NELFB: variants seen among roughly 807,000 people sequenced by gnomAD.
The protein encoded by NELFB is negative elongation factor complex member B.
NELFB carries 34 observed loss-of-function variants against 60.2 expected under a neutral mutation model. That is an observed-to-expected ratio of 0.56 (90% CI 0.43 to 0.75). NELFB has a LOEUF of 0.75. NELFB is among the 30% of genes least tolerant of loss of function. The pLI is 0.00. For missense variants in NELFB, 770 were observed against 831.6 expected (o/e 0.93, Z 0.91); for synonymous variants, 459 against 382.1 (o/e 1.20, Z -2.35).
At chr9:137,256,110 C>T (rs757816908) in intron 2 of NELFB, 40 bp downstream of exon 2, 15 of 1,591,024 alleles carry the variant, frequency 9.4e-6, no homozygotes, top group Non-Finnish European at 1.3e-5. Context: ...GATGTGCAGC[C>T]GGCCTCTCAG....
chr9:137,267,682 C>T (rs912785654), intron 10 of NELFB, among the ~76,000 whole-genome samples: 2 of 151,858 alleles, frequency 1.3e-5, no homozygotes, highest in African/African-American at 4.8e-5. Context: ...TTAGTAGAGA[C>T]GGGGTTTCTC....
At position 137,264,552 on chromosome 9, in the gene NELFB, G is replaced by T. The variant is rs577561262; in HGVS notation, c.1040+195G>T. On this transcript the variant is annotated intron_variant, in intron 6 of 12. Transcript: ENST00000343053. Reference sequence around the variant, plus strand: ...GCAATCTCTGCTCACTGCAACCTCCGCCTCCTAGGCTTAAGCCATTCTCCT... The same window carrying T: ...GCAATCTCTGCTCACTGCAACCTCCTCCTCCTAGGCTTAAGCCATTCTCCT... Among the ~76,000 whole-genome samples, 367 of 152,312 alleles carry T rather than the reference G, an allele frequency of 2.4e-3. 1 individual carries two copies. Among genetic ancestry groups the T allele is most frequent in the Non-Finnish European group, 3.1e-3 (214 of 68,024 alleles).
chr9:137,271,923 C>T (rs1398231966), intron 10 of NELFB, among the ~76,000 whole-genome samples, 158 bp from the exon 11 acceptor site: 1 of 151,912 alleles, frequency 6.6e-6, no homozygotes, highest in Non-Finnish European at 1.5e-5. Flanking sequence ...TCCCACCCCC[C>T]TCTTCACCTG....
rs1444067625 is a variant in NELFB at position 137,260,348 on chromosome 9, CTATTT to C, written c.742-2679_742-2675del. Among the ~76,000 whole-genome samples, 503 of 150,564 alleles carry C rather than the reference CTATTT, an allele frequency of 3.3e-3. 1 individual carries two copies. The highest frequency in any genetic ancestry group is 0.012 in the African/African-American group (475 of 41,246). On this transcript the variant is annotated intron_variant, in intron 4 of 12. Transcript: ENST00000343053. ...TACGGGCGTGAGCCACTGAGACCGG[CTATTT>C]TATTTTATTATTTTTTTTAATTTTT...
chr9:137,257,073 T>C lies in NELFB; in HGVS notation c.741+19T>C, dbSNP rs773457146. The C allele has an allele frequency of 3.7e-6, 6 of 1,602,356 alleles. No individual in the cohort carries two copies. The highest frequency in any genetic ancestry group is 5.1e-6 in the Non-Finnish European group (6 of 1,173,132). On this transcript the variant is annotated intron_variant, in intron 4 of 12. Coordinates refer to ENST00000343053, the MANE Select transcript of NELFB (RefSeq NM_015456.5). ...GGGCGAGGTGAGGGGACAGGCCGTG[T>C]GCGGGGTGGGGCACCTCTTGGGGAT...
At chr9:137,259,510 G>A (rs1347395737) in intron 4 of NELFB, among the ~76,000 whole-genome samples, 1 of 152,098 alleles carries the variant, frequency 6.6e-6, no homozygotes, top group East Asian at 1.9e-4. Flanking sequence ...TAACTGTGGG[G>A]TGCCCTGCAT....
At position 137,272,820 on chromosome 9, in the gene NELFB, C is replaced by G; in HGVS notation, c.1779C>G (p.Gly593=). ...TGAAGGAGCTTTACTCCCAGCTCGG[C>G]GAGAAGCTGGAACAGCTGGATCACC... Residue 593 remains glycine, a synonymous_variant, in exon 13 of 13, where the codon GGC becomes GGG. Coordinates refer to ENST00000343053, the MANE Select transcript of NELFB (RefSeq NM_015456.5). 6.5e-7 allele frequency: 1 copy of G among 1,549,992 alleles called. No homozygotes were observed. Among genetic ancestry groups the G allele is most frequent in the Non-Finnish European group, 8.7e-7 (1 of 1,146,650 alleles).
Position 137,256,746 on chromosome 9 carries a change from GC to G in NELFB, c.511-77del, listed in dbSNP as rs552323886. On this transcript the variant is annotated intron_variant, in intron 3 of 12. Coordinates refer to ENST00000343053, the MANE Select transcript of NELFB (RefSeq NM_015456.5). ...CTTAGCTCGAGGTGGTCTCTGCGGGGCTGAGGCCTCTTGGCTTGTCTTGAAG... is the reference window on the plus strand; with the variant it reads ...CTTAGCTCGAGGTGGTCTCTGCGGGGTGAGGCCTCTTGGCTTGTCTTGAAG... 6.2e-5 allele frequency: 86 copies of G among 1,392,868 alleles called. 1 individual carries two copies. The South Asian group carries it at 1.0e-3, about 16-fold the overall frequency. 86.3% of individuals were successfully genotyped at this position (1,392,868 alleles called of 1,614,324 possible).
chr9:137,256,274 G>T (rs1222526461), intron 2 of NELFB, 55 bp from the exon 3 acceptor site: 1 of 1,536,500 alleles, frequency 6.5e-7, no homozygotes, highest in Non-Finnish European at 9.0e-7. Context: ...GGACAGGCAG[G>T]TAGCTGCTGC....
Position 137,263,087 on chromosome 9 carries a change from CATG to C in NELFB, c.793_795del (p.Met265del). On this transcript the variant is annotated inframe_deletion, in exon 5 of 13. Transcript: ENST00000343053. ...TGGGGAAGAACGTGAAGCTGTACGA[CATG>C]GTGCTGCAGTTTCTGCGCACGCTCT... is the stretch of plus-strand genomic sequence containing the variant. 6.2e-7 allele frequency: 1 copy of C among 1,614,094 alleles called. No individual in the cohort carries two copies. The highest frequency in any genetic ancestry group is 8.5e-7 in the Non-Finnish European group (1 of 1,179,960).
intron 6 of NELFB, 52 bp downstream of exon 6, chr9:137,264,409 G>T: frequency 7.4e-7 from 1 of 1,346,946 alleles, no homozygotes; most frequent in South Asian, 1.2e-5. Flanking sequence ...GCGTGCATCC[G>T]GTCTGCGCTT....
At chr9:137,256,242 C>G (rs879085918) in intron 2 of NELFB, 87 bp from the exon 3 acceptor site, 1 of 1,425,924 alleles carries the variant, frequency 7.0e-7, no homozygotes, top group South Asian at 1.2e-5. Context: ...GAGGCTTGTC[C>G]TGGTAGCTGT....
chr9:137,273,105 GC>G lies in NELFB; in HGVS notation c.*180del. The G allele has an allele frequency of 1.6e-6, 1 of 634,402 alleles. No homozygotes were observed. The highest frequency in any genetic ancestry group is 2.5e-6 in the Non-Finnish European group (1 of 396,998). 39.3% of individuals were successfully genotyped at this position (634,402 alleles called of 1,614,324 possible). ...TCCTTGGAGCTGGCTCCCGGACCTTGCCCACCATCCATGCAGTGGCTCCCAG... is the reference window on the plus strand; with the variant it reads ...TCCTTGGAGCTGGCTCCCGGACCTTGCCACCATCCATGCAGTGGCTCCCAG... On this transcript the variant is annotated 3_prime_UTR_variant, in exon 13 of 13. Coordinates refer to ENST00000343053, the MANE Select transcript of NELFB (RefSeq NM_015456.5).
chr9:137,255,784 C>G, intron 1 of NELFB, 123 bp from the exon 2 acceptor site: 1 of 1,520,870 alleles, frequency 6.6e-7, no homozygotes, highest in South Asian at 1.3e-5. Flanking sequence ...GGGTGGCTTT[C>G]GGTGGCTGCG....
intron 10 of NELFB, among the ~76,000 whole-genome samples, chr9:137,268,430 AC>A (rs1482219722): frequency 2.0e-5 from 3 of 152,188 alleles, no homozygotes; most frequent in Non-Finnish European, 4.4e-5. Context: ...CTAAAAAAAT[AC>A]AAAAATTGGT....
intron 10 of NELFB, among the ~76,000 whole-genome samples, chr9:137,270,059 C>A (rs1341924369): frequency 2.0e-5 from 3 of 152,182 alleles, no homozygotes; most frequent in Non-Finnish European, 4.4e-5. Context: ...TCTCCAACCT[C>A]CCCGGGGTCC....
rs1301817171 is a variant in NELFB at position 137,269,780 on chromosome 9, C to CTGTTTCT, written c.1490-2299_1490-2293dup. 2.0e-5 allele frequency among the ~76,000 whole-genome samples: 3 copies of CTGTTTCT among 152,198 alleles called. No individual in the cohort carries two copies. The highest frequency in any genetic ancestry group is 7.2e-5 in the African/African-American group (3 of 41,444). ...CACCTGGGAGGCCTTCCGTGCGCTT[C>CTGTTTCT]TGTTTCTTTCTCTCATTTGATTGTG... On this transcript the variant is annotated intron_variant, in intron 10 of 12. Transcript: ENST00000343053. This position sits in a 1 kb window ranked among gnomAD's most constrained non-coding sequence, Gnocchi z 5.3.
intron 10 of NELFB, among the ~76,000 whole-genome samples, chr9:137,268,618 CT>C (rs1284830377): frequency 2.6e-5 from 4 of 152,176 alleles, no homozygotes; most frequent in African/African-American, 9.7e-5. Flanking sequence ...TCTCCCAGTT[CT>C]GCGGGCTGGG....
At chr9:137,265,295 G>A (rs1830504290) in intron 6 of NELFB, among the ~76,000 whole-genome samples, 2 of 148,260 alleles carry the variant, frequency 1.3e-5, no homozygotes, top group Non-Finnish European at 1.5e-5. Context: ...ACAGGCGTGA[G>A]CCACCACACC....
Sources: gnomAD v4.1 joint callset for allele counts (sites outside exome capture counted in the v4.1 genomes callset) on GRCh38, gnomAD v4.1.1 for gene constraint, Gnocchi (gnomAD v3.1) non-coding constraint, MANE v1.5 for transcripts, NCBI Gene and HGNC (gene_info 2026-07-23, HGNC 2026-07-21) for gene names.